AKAP6: variants seen among roughly 807,000 people sequenced by gnomAD.
AKAP6 encodes A-kinase anchoring protein 6.
AKAP6 carries 58 observed loss-of-function variants against 188.5 expected under a neutral mutation model. The observed-to-expected ratio is 0.31, with a 90% CI of 0.25 to 0.38. The LOEUF (loss-of-function observed/expected upper bound fraction) is 0.38, where lower values mean the gene tolerates loss of function less well. Among genes scored for constraint, AKAP6 ranks in the 10% least tolerant of loss-of-function variants. The pLI is 1.00. For missense variants in AKAP6, 2,710 were observed against 2,740.0 expected, an observed-to-expected ratio of 0.99 and a Z score of 0.24; for synonymous variants, 989 against 998.6, an observed-to-expected ratio of 0.99 and a Z score of 0.18.
At chr14:32,480,760 T>G (rs1276411058) in intron 2 of AKAP6, among the ~76,000 whole-genome samples, 1 of 152,216 alleles carries the variant, frequency 6.6e-6, no homozygotes, top group Non-Finnish European at 1.5e-5. Context: ...TGCCCAGGTC[T>G]GATTCTTCTT....
chr14:32,526,514 G>A (rs1171201765), intron 2 of AKAP6, among the ~76,000 whole-genome samples: 1 of 152,164 alleles, frequency 6.6e-6, no homozygotes, highest in Non-Finnish European at 1.5e-5. Context: ...CATTACAGAT[G>A]TGAGCCACAG....
intron 2 of AKAP6, among the ~76,000 whole-genome samples, chr14:32,454,685 TTCCC>T (rs1254335216): frequency 7.6e-4 from 22 of 29,100 alleles, no homozygotes; most frequent in Admixed American, 1.8e-3. Context: ...CCTTCCCTCC[TTCCC>T]TCCCTCCCTC....
In AKAP6 at chr14:32,346,797, C is replaced by T. The variant is rs753835714; in HGVS notation, c.-35+17389C>T. Among the ~76,000 whole-genome samples, 95 of 152,260 alleles carry T rather than the reference C, an allele frequency of 6.2e-4. 1 individual carries two copies. Among genetic ancestry groups the T allele is most frequent in the African/African-American group, 2.0e-3 (85 of 41,552 alleles). ...TGCTGGGATTACAGGCGTGAGCCACCGCACCCAGCCAGAAATTGAGAATTT... is the reference window on the plus strand; with the variant it reads ...TGCTGGGATTACAGGCGTGAGCCACTGCACCCAGCCAGAAATTGAGAATTT... On this transcript the variant is annotated intron_variant, in intron 1 of 13. Transcript: ENST00000280979.
chr14:32,715,447 A>AG (rs1442124322), intron 9 of AKAP6, among the ~76,000 whole-genome samples: 2 of 102,812 alleles, frequency 1.9e-5, no homozygotes, highest in African/African-American at 3.1e-5. Context: ...TTAGAAAAGC[A>AG]AAACGAAAAA....
intron 5 of AKAP6, among the ~76,000 whole-genome samples, chr14:32,591,757 AG>A (rs1486271187): frequency 6.6e-6 from 1 of 151,902 alleles, no homozygotes; most frequent in Admixed American, 6.6e-5. Flanking sequence ...TATTTTTTAA[AG>A]CTTCTGCTTT....
At chr14:32,661,314 G>A (rs1026789083) in intron 7 of AKAP6, among the ~76,000 whole-genome samples, 2 of 151,916 alleles carry the variant, frequency 1.3e-5, no homozygotes, top group African/African-American at 2.4e-5. Flanking sequence ...AATCAGAATT[G>A]GAAAGGAAAA....
At chr14:32,674,625 G>A (rs1024716046) in intron 7 of AKAP6, among the ~76,000 whole-genome samples, 77 of 152,138 alleles carry the variant, frequency 5.1e-4, no homozygotes, top group Admixed American at 2.2e-3. Flanking sequence ...TTTATTTAAA[G>A]GCCTAAGTAC....
chr14:32,332,053 CTTA>C (rs914834071), intron 1 of AKAP6, among the ~76,000 whole-genome samples: 21 of 151,914 alleles, frequency 1.4e-4, no homozygotes, highest in African/African-American at 4.3e-4. Context: ...TTATTTAGCC[CTTA>C]TTATTATTAT....
At chr14:32,682,315 C>T (rs1218004064) in intron 8 of AKAP6, among the ~76,000 whole-genome samples, 3 of 152,100 alleles carry the variant, frequency 2.0e-5, no homozygotes, top group Non-Finnish European at 4.4e-5. Context: ...GGCATGAAGC[C>T]GATACTGATC....
chr14:32,634,946 A>G (rs749059077), intron 7 of AKAP6, among the ~76,000 whole-genome samples: 25 of 151,818 alleles, frequency 1.6e-4, no homozygotes, highest in Non-Finnish European at 1.5e-4. Flanking sequence ...GATTAGTTAC[A>G]TGAGTAAGTT....
chr14:32,423,307 C>CCTGGGTA lies in AKAP6; in HGVS notation c.-34-10153_-34-10152insCTGGGTA, dbSNP rs1346848100. ...ACCTCAGCCTCCCTGGTATCTGGGA[C>CCTGGGTA]TACGGGTACATGCCACCACGCCTGG... is the stretch of plus-strand genomic sequence containing the variant. On this transcript the variant is annotated intron_variant, in intron 1 of 13. Coordinates refer to ENST00000280979, the MANE Select transcript of AKAP6 (RefSeq NM_004274.5). 3.3e-5 allele frequency among the ~76,000 whole-genome samples: 5 copies of CCTGGGTA among 152,040 alleles called. No homozygotes were observed. In the South Asian group the frequency reaches 8.3e-4, roughly 25 times the overall value.
intron 12 of AKAP6, among the ~76,000 whole-genome samples, chr14:32,811,241 G>GGAAAAAAAAAAAAAAAAA (rs2034221878): frequency 9.0e-5 from 5 of 55,600 alleles, no homozygotes; most frequent in Non-Finnish European, 1.9e-4. Flanking sequence ...TCCGTCTCAG[G>GGAAAAAAAAAAAAAAAAA]AAAAAAAAAA....
chr14:32,546,038 T>A lies in AKAP6; in HGVS notation c.1385T>A (p.Val462Glu). 6.2e-7 allele frequency: 1 copy of A among 1,614,042 alleles called. No homozygotes were observed. The highest frequency in any genetic ancestry group is 8.5e-7 in the Non-Finnish European group (1 of 1,179,998). The change falls in exon 4 of 14, where the codon GTG becomes GAG. Residue 462 changes from valine (V) to glutamate (E), a missense_variant. Val to Glu is a moderately radical substitution (Grantham distance 121, BLOSUM62 -2). This residue lies in a region of AKAP6 where 2,473 missense variants were observed against 2,426.1 expected (regional missense o/e 1.02). Transcript: ENST00000280979. ...CAGTCTTATGAGTGTTTACACAAGGTGGGGAATGGGAACCTTGAAAACACA... is the reference window on the plus strand; with the variant it reads ...CAGTCTTATGAGTGTTTACACAAGGAGGGGAATGGGAACCTTGAAAACACA... ...ASQSYECLHK[V>E]GNGNLENTVK...
intron 2 of AKAP6, among the ~76,000 whole-genome samples, chr14:32,467,877 G>A (rs556595724): frequency 6.6e-6 from 1 of 151,820 alleles, no homozygotes; most frequent in East Asian, 1.9e-4. Flanking sequence ...AAATTTTCTT[G>A]GTTTTATTTG....
chr14:32,799,405 G>T (rs1052071990), intron 12 of AKAP6, among the ~76,000 whole-genome samples: 2 of 152,058 alleles, frequency 1.3e-5, no homozygotes, highest in African/African-American at 4.8e-5. Context: ...AGATTAGGTT[G>T]TTGATTTTAA....
At chr14:32,697,994 C>G (rs1225979840) in intron 9 of AKAP6, among the ~76,000 whole-genome samples, 2 of 152,118 alleles carry the variant, frequency 1.3e-5, no homozygotes, top group Non-Finnish European at 2.9e-5. Context: ...TAACATAGCT[C>G]TGCTCATTAG....
intron 1 of AKAP6, among the ~76,000 whole-genome samples, chr14:32,417,458 AT>A (rs1889695330): frequency 6.6e-6 from 1 of 152,132 alleles, no homozygotes; most frequent in Non-Finnish European, 1.5e-5. Flanking sequence ...TTCTCCACGT[AT>A]TTCTCTGTAA....
chr14:32,392,282 T>C (rs1888739505), intron 1 of AKAP6, among the ~76,000 whole-genome samples: 1 of 152,144 alleles, frequency 6.6e-6, no homozygotes, highest in Admixed American at 6.6e-5. Flanking sequence ...AGTAAATATA[T>C]TGCAGTAAAT....
chr14:32,402,769 G>A (rs1360180657), intron 1 of AKAP6, among the ~76,000 whole-genome samples: 1 of 150,320 alleles, frequency 6.7e-6, no homozygotes, highest in Non-Finnish European at 1.5e-5. Flanking sequence ...TTGCTCCGTT[G>A]CCTAGGCTGG....
Sources: allele counts gnomAD v4.1 joint callset (sites outside exome capture counted in the v4.1 genomes callset), GRCh38; gene constraint gnomAD v4.1.1; regional missense constraint gnomAD v4.1.1; transcripts MANE v1.5; gene names NCBI Gene and HGNC (gene_info 2026-07-23, HGNC 2026-07-21).